CAPZA1: variants seen among roughly 807,000 people sequenced by gnomAD.
CAPZA1 encodes the protein F-actin-capping protein subunit alpha-1.
In CAPZA1, 10 loss-of-function variants were observed where a neutral mutation model predicts 40.8. The observed-to-expected ratio is 0.25, with a 90% CI of 0.15 to 0.42. The LOEUF (loss-of-function observed/expected upper bound fraction) is 0.42, where lower values mean the gene tolerates loss of function less well. Ranked by LOEUF, CAPZA1 falls within the 10% of genes least tolerant of loss-of-function variation. CAPZA1 has a pLI of 1.00. For synonymous variants in CAPZA1, 98 were observed against 115.0 expected, an observed-to-expected ratio of 0.85 and a Z score of 0.95; for missense variants, 277 against 353.8, an observed-to-expected ratio of 0.78 and a Z score of 1.74.
Position 112,641,498 on chromosome 1 carries a change from C to A in CAPZA1, c.40-5712C>A, listed in dbSNP as rs72984507. Among the ~76,000 whole-genome samples the A allele has an allele frequency of 2.7e-3, 405 of 152,218 alleles. 2 individuals are homozygous for A. Among genetic ancestry groups the A allele is most frequent in the African/African-American group, 9.4e-3 (391 of 41,538 alleles). ...ACAGCATATTATAAACCCATGTCAA[C>A]AAATGGAGCACTTCTCAAACTTTTT... On this transcript the variant is annotated intron_variant, in intron 1 of 9. Transcript: ENST00000263168.
At position 112,670,019 on chromosome 1, in the gene CAPZA1, A is replaced by G. The variant is rs1218087230; in HGVS notation, c.748A>G (p.Met250Val). 6.2e-7 allele frequency: 1 copy of G among 1,613,872 alleles called. No individual in the cohort carries two copies. Among genetic ancestry groups the G allele is most frequent in the Admixed American group, 1.7e-5 (1 of 60,020 alleles). Residue 250 changes from methionine to valine, a missense_variant, in exon 10 of 10, where the codon ATG (methionine) becomes GTG (valine). By Grantham distance (21) the Met-to-Val change is conservative (BLOSUM62 1). Transcript: ENST00000263168. ...AGCAATTAGTGAAAACTATCAAACA[A>G]TGTCAGATACCACATTCAAGGCCTT... is the stretch of plus-strand genomic sequence containing the variant. ...QTAISENYQT[M>V]SDTTFKALRR...
rs919252723 is a variant in CAPZA1 at position 112,670,964 on chromosome 1, A to C, written c.*832A>C. ...TGAAAAATGCAGATGTTGAAGGAAT[A>C]ATAGGTATCTTGTGCTTTAATACTT... is the stretch of plus-strand genomic sequence containing the variant. On this transcript the variant is annotated 3_prime_UTR_variant, in exon 10 of 10. Transcript: ENST00000263168. 4 of 152,682 alleles carry C rather than the reference A, an allele frequency of 2.6e-5. No individual in the cohort carries two copies. The highest frequency in any genetic ancestry group is 9.6e-5 in the African/African-American group (4 of 41,476). 9.5% of individuals were successfully genotyped at this position (152,682 alleles called of 1,614,324 possible).
Position 112,671,408 on chromosome 1 carries a change from A to G in CAPZA1, c.*1276A>G, listed in dbSNP as rs1175599279. ...CTACCTATCTCCAGATACATGTCAA[A>G]AAAAGAAAGGTGTTTGTGCTTCCGT... On this transcript the variant is annotated 3_prime_UTR_variant, in exon 10 of 10. Coordinates refer to ENST00000263168, the MANE Select transcript of CAPZA1 (RefSeq NM_006135.3). 2 of 152,656 alleles carry G rather than the reference A, an allele frequency of 1.3e-5. No homozygotes were observed. Among genetic ancestry groups the G allele is most frequent in the Non-Finnish European group, 2.9e-5 (2 of 68,042 alleles). 9.5% of individuals were successfully genotyped at this position (152,656 alleles called of 1,614,324 possible). A position where few individuals can be genotyped will look rare whatever the true frequency, so the allele number is the denominator to read the frequency against.
intron 7 of CAPZA1, among the ~76,000 whole-genome samples, chr1:112,661,390 C>T (rs1326244469): frequency 6.6e-6 from 1 of 152,158 alleles, no homozygotes; most frequent in Non-Finnish European, 1.5e-5. Flanking sequence ...GAGCCCAATA[C>T]CCACAGCTGT....
intron 1 of CAPZA1, among the ~76,000 whole-genome samples, chr1:112,639,536 A>G (rs997215991): frequency 6.6e-6 from 1 of 152,192 alleles, no homozygotes; most frequent in Admixed American, 6.5e-5. Flanking sequence ...CTATGGGGAT[A>G]TGAAGGTCAA....
chr1:112,646,525 C>G (rs968256276), intron 1 of CAPZA1, among the ~76,000 whole-genome samples: 3 of 152,148 alleles, frequency 2.0e-5, no homozygotes, highest in African/African-American at 7.2e-5. Context: ...TGCAGTAAGC[C>G]TTGATCATGC....
chr1:112,650,646 T>C (rs1360738229), intron 3 of CAPZA1, among the ~76,000 whole-genome samples: 1 of 152,234 alleles, frequency 6.6e-6, no homozygotes, highest in Non-Finnish European at 1.5e-5. Flanking sequence ...GTTCTTCAAT[T>C]TGCCTGCCAT....
intron 8 of CAPZA1, among the ~76,000 whole-genome samples, chr1:112,667,540 G>T (rs1038471424): frequency 3.9e-5 from 6 of 152,050 alleles, no homozygotes; most frequent in Admixed American, 1.3e-4. Context: ...GGTGGTGGTG[G>T]TCTATTTGAG....
intron 1 of CAPZA1, among the ~76,000 whole-genome samples, chr1:112,636,386 TGTTG>T: frequency 6.6e-6 from 1 of 152,350 alleles, no homozygotes; most frequent in Non-Finnish European, 1.5e-5. Context: ...TCTTATCTTT[TGTTG>T]GTTATATATT....
chr1:112,652,346 G>A (rs1671406425), intron 3 of CAPZA1, among the ~76,000 whole-genome samples: 1 of 151,694 alleles, frequency 6.6e-6, no homozygotes, highest in Non-Finnish European at 1.5e-5. Flanking sequence ...GCTGGGCATG[G>A]TGGCACATGG....
intron 1 of CAPZA1, among the ~76,000 whole-genome samples, chr1:112,644,856 A>G (rs1671252221): frequency 6.6e-6 from 1 of 152,236 alleles, no homozygotes; most frequent in Non-Finnish European, 1.5e-5. Context: ...GCCAAATGCC[A>G]AATAGATAGG....
chr1:112,661,799 A>G (rs1055397604), intron 7 of CAPZA1, among the ~76,000 whole-genome samples: 3 of 152,260 alleles, frequency 2.0e-5, no homozygotes, highest in African/African-American at 7.2e-5. Context: ...AATTTATGGT[A>G]AGATTCAAAA....
intron 7 of CAPZA1, among the ~76,000 whole-genome samples, chr1:112,662,933 C>A (rs1300196650): frequency 6.6e-6 from 1 of 151,908 alleles, no homozygotes; most frequent in African/African-American, 2.4e-5. Flanking sequence ...TATCTCCCAT[C>A]CTGTTTGTAA....
intron 5 of CAPZA1, among the ~76,000 whole-genome samples, chr1:112,655,716 C>A (rs971659975): frequency 6.6e-6 from 1 of 151,966 alleles, no homozygotes; most frequent in Non-Finnish European, 1.5e-5. Flanking sequence ...GTGCCCACCA[C>A]CACACCTGGC....
In CAPZA1 at chr1:112,647,281, A is replaced by G. The variant is rs897979342; in HGVS notation, c.103+8A>G. 2 of 1,439,254 alleles carry G rather than the reference A, an allele frequency of 1.4e-6. No homozygotes were observed. Among genetic ancestry groups the G allele is most frequent in the Admixed American group, 2.0e-5 (1 of 50,270 alleles). 89.2% of individuals were successfully genotyped at this position (1,439,254 alleles called of 1,614,324 possible). On this transcript the variant is annotated splice_region_variant and intron_variant, in intron 2 of 9. Transcript: ENST00000263168. ...TTAATGAAGTATTCAATGGTGAGTA[A>G]AGATTAGTATTTTAATCCCTCCTTA... is the stretch of plus-strand genomic sequence containing the variant.
At chr1:112,664,870 G>T (rs1271547089) in intron 7 of CAPZA1, among the ~76,000 whole-genome samples, 3 of 152,162 alleles carry the variant, frequency 2.0e-5, no homozygotes, top group Non-Finnish European at 2.9e-5. Context: ...GGGAATCGGA[G>T]GTTGCAGTGA....
At chr1:112,638,651 C>T (rs1671067598) in intron 1 of CAPZA1, among the ~76,000 whole-genome samples, 2 of 151,892 alleles carry the variant, frequency 1.3e-5, no homozygotes, top group South Asian at 2.1e-4. Context: ...GTAAATATAT[C>T]AGGCCGGGCA....
At chr1:112,649,841 A>AT in intron 3 of CAPZA1, 1 of 219,696 alleles carries the variant, frequency 4.6e-6, no homozygotes, top group Non-Finnish European at 8.9e-6. Flanking sequence ...AATAGCAAAT[A>AT]TTAATAAAGT....
chr1:112,649,628 T>G (rs1671346708), intron 3 of CAPZA1, 159 bp downstream of exon 3: 1 of 638,632 alleles, frequency 1.6e-6, no homozygotes. Flanking sequence ...GAAAACATGT[T>G]CCCCCAATTG....
Sources: allele counts gnomAD v4.1 joint callset (sites outside exome capture counted in the v4.1 genomes callset), GRCh38; gene constraint gnomAD v4.1.1; transcripts MANE v1.5; gene names NCBI Gene and HGNC (gene_info 2026-07-23, HGNC 2026-07-21).